Variants in SLAIN2 observed in about 807,000 individuals in gnomAD.
SLAIN2 encodes the protein SLAIN motif-containing protein 2.
In SLAIN2, 31 loss-of-function variants were observed where a neutral mutation model predicts 56.6. The observed-to-expected ratio is 0.55, with a 90% CI of 0.41 to 0.74. The LOEUF (loss-of-function observed/expected upper bound fraction) is 0.74. SLAIN2 is among the 30% of genes least tolerant of loss of function. SLAIN2 has a pLI of 0.00. For synonymous variants in SLAIN2, 317 were observed against 284.9 expected (o/e 1.11, Z -1.13); for missense variants, 777 against 754.2 (o/e 1.03, Z -0.35).
intron 6 of SLAIN2, among the ~76,000 whole-genome samples, chr4:48,402,224 C>T (rs117623815): frequency 0.03 from 4,192 of 141,396 alleles, 67 homozygotes; most frequent in Admixed American, 0.049. Flanking sequence ...TCCTTCATTT[C>T]GACCTTGGAG....
chr4:48,395,297 A>C (rs1233256617), intron 6 of SLAIN2, among the ~76,000 whole-genome samples: 4 of 152,164 alleles, frequency 2.6e-5, no homozygotes, highest in Non-Finnish European at 5.9e-5. Flanking sequence ...CTCAAAGGAA[A>C]TGGTATGAAA....
At chr4:48,386,581 A>G (rs1716106440) in intron 6 of SLAIN2, among the ~76,000 whole-genome samples, 1 of 152,224 alleles carries the variant, frequency 6.6e-6, no homozygotes, top group Non-Finnish European at 1.5e-5. Context: ...TTATTCAGCT[A>G]GATATATGCT....
At chr4:48,368,278 C>CT (rs2109751576) in intron 1 of SLAIN2, among the ~76,000 whole-genome samples, 1 of 152,084 alleles carries the variant, frequency 6.6e-6, no homozygotes, top group African/African-American at 2.4e-5. Context: ...CCAGGCTGGT[C>CT]TTGAACTCCT....
Position 48,422,162 on chromosome 4 carries a change from C to A in SLAIN2, c.*85C>A. On this transcript the variant is annotated 3_prime_UTR_variant, in exon 8 of 8. Transcript: ENST00000264313. Reference sequence around the variant, plus strand: ...AAACAACTTTTATATGCAGACTGTTCAGATAAGACTCTTGGGATTTATAAA... The same window carrying A: ...AAACAACTTTTATATGCAGACTGTTAAGATAAGACTCTTGGGATTTATAAA... 4.1e-6 allele frequency: 4 copies of A among 965,932 alleles called. No individual in the cohort carries two copies. The Admixed American group carries it at 8.6e-5, about 21-fold the overall frequency. The allele number at this position is 965,932 out of a possible 1,614,324, so 59.8% of individuals were successfully genotyped here. A position where few individuals can be genotyped will look rare whatever the true frequency, so the allele number is the denominator to read the frequency against.
In SLAIN2 at chr4:48,396,842, G is replaced by T. The variant is rs560698246; in HGVS notation, c.1360+13058G>T. Among the ~76,000 whole-genome samples the T allele has an allele frequency of 1.1e-3, 160 of 152,294 alleles. No homozygotes were observed. In the Middle Eastern group the frequency reaches 0.014, roughly 13 times the overall value. On this transcript the variant is annotated intron_variant, in intron 6 of 7. Transcript: ENST00000264313. Reference sequence around the variant, plus strand: ...GTCACTTTGATTTTAATTGCATTTAGTAGTAGCAGGTGTTTGAAAATGGAA... The same window carrying T: ...GTCACTTTGATTTTAATTGCATTTATTAGTAGCAGGTGTTTGAAAATGGAA...
rs1406865259 is a variant in SLAIN2 at position 48,364,867 on chromosome 4, CGGGAGA to C, written c.390-4976_390-4971del. Among the ~76,000 whole-genome samples, 56 of 56,916 alleles carry C rather than the reference CGGGAGA, an allele frequency of 9.8e-4. No individual in the cohort carries two copies. In the Middle Eastern group the frequency reaches 0.029, roughly 30 times the overall value. 37.3% of individuals were successfully genotyped at this position (56,916 alleles called of 152,430 possible). A position where few individuals can be genotyped will look rare whatever the true frequency, so the allele number is the denominator to read the frequency against. ...GAGGGAGACCGTGGGGAGACGGAGA[CGGGAGA>C]GGGAGGGGGAGGGGGAGGGGGAGGG... On this transcript the variant is annotated intron_variant, in intron 1 of 7. Transcript: ENST00000264313.
intron 2 of SLAIN2, among the ~76,000 whole-genome samples, chr4:48,370,904 A>G (rs1466573839): frequency 3.3e-5 from 5 of 152,146 alleles, no homozygotes; most frequent in Admixed American, 1.3e-4. Flanking sequence ...TAAGCTGAAA[A>G]TGGTCACAGG....
At chr4:48,353,811 A>T (rs1290446749) in intron 1 of SLAIN2, among the ~76,000 whole-genome samples, 1 of 152,230 alleles carries the variant, frequency 6.6e-6, no homozygotes, top group Non-Finnish European at 1.5e-5. Flanking sequence ...TTATTGTAAC[A>T]GTCCGTACTT....
chr4:48,411,281 C>A (rs6841390), intron 6 of SLAIN2, among the ~76,000 whole-genome samples: 1 of 151,870 alleles, frequency 6.6e-6, no homozygotes, highest in Non-Finnish European at 1.5e-5. Flanking sequence ...CTAGGTCTTT[C>A]CAGGGCAGCA....
At chr4:48,407,483 C>T (rs1233835159) in intron 6 of SLAIN2, among the ~76,000 whole-genome samples, 1 of 152,022 alleles carries the variant, frequency 6.6e-6, no homozygotes, top group Non-Finnish European at 1.5e-5. Context: ...AGAAGAGTTA[C>T]TCTACTCCTT....
At chr4:48,417,800 AC>A (rs1208603114) in intron 6 of SLAIN2, among the ~76,000 whole-genome samples, 8 of 151,028 alleles carry the variant, frequency 5.3e-5, no homozygotes, top group East Asian at 2.0e-4. Flanking sequence ...AAATTCAACA[AC>A]CCTTCATGCT....
chr4:48,410,468 T>C (rs915928292), intron 6 of SLAIN2, among the ~76,000 whole-genome samples: 2 of 152,182 alleles, frequency 1.3e-5, no homozygotes, highest in Non-Finnish European at 2.9e-5. Context: ...TTTGATCTTA[T>C]GGGTCATGCT....
chr4:48,380,919 C>G (rs1335152972), intron 4 of SLAIN2, among the ~76,000 whole-genome samples: 2 of 152,168 alleles, frequency 1.3e-5, no homozygotes, highest in Non-Finnish European at 2.9e-5. Flanking sequence ...TCTGCTGATT[C>G]ACTTCCCATT....
rs557110173 is a variant in SLAIN2 at position 48,341,772 on chromosome 4, C to T, written c.33C>T (p.Asp11=). The T allele has an allele frequency of 5.9e-6, 9 of 1,530,356 alleles. 1 individual carries two copies. In the South Asian group the frequency reaches 7.3e-5, roughly 12 times the overall value. 94.8% of individuals were successfully genotyped at this position (1,530,356 alleles called of 1,614,324 possible). The change falls in exon 1 of 8, where the codon GAC becomes GAT. Residue 11 remains aspartate (D), a synonymous_variant. Transcript: ENST00000264313. ...ACGTTAACTCCAACGTGAACGCGGA[C>T]CAGGAGGTGCGGAAGCTGCAGGAGC... MEDVNSNVNA[D]QEVRKLQELV...
chr4:48,386,515 A>T (rs1025294166), intron 6 of SLAIN2, among the ~76,000 whole-genome samples: 5 of 152,246 alleles, frequency 3.3e-5, no homozygotes, highest in Admixed American at 1.3e-4. Flanking sequence ...AAGATTTAAA[A>T]TTCTAACGTT....
chr4:48,378,998 A>C (rs1407256233), intron 3 of SLAIN2, among the ~76,000 whole-genome samples: 1 of 152,206 alleles, frequency 6.6e-6, no homozygotes, highest in African/African-American at 2.4e-5. Context: ...TAAATCTGTA[A>C]TAGAAATATT....
chr4:48,354,316 G>A (rs429969), intron 1 of SLAIN2, among the ~76,000 whole-genome samples: 83,280 of 151,910 alleles, frequency 0.55, 23,374 homozygotes, highest in South Asian at 0.69. Flanking sequence ...TAGCTTGGGT[G>A]ATTAAACTGT....
chr4:48,399,940 TC>T lies in SLAIN2; in HGVS notation c.1360+16157del, dbSNP rs1175080428. 1.3e-5 allele frequency among the ~76,000 whole-genome samples: 2 copies of T among 152,344 alleles called. 1 individual carries two copies. Among genetic ancestry groups the T allele is most frequent in the African/African-American group, 4.8e-5 (2 of 41,584 alleles). ...TTGAGGATTTTTGCATCAACATTCA[TC>T]AGGGATATTGGCCTGATGTTTTCTT... On this transcript the variant is annotated intron_variant, in intron 6 of 7. Coordinates refer to ENST00000264313, the MANE Select transcript of SLAIN2 (RefSeq NM_020846.2).
intron 6 of SLAIN2, among the ~76,000 whole-genome samples, chr4:48,400,358 A>G (rs1716514602): frequency 7.5e-6 from 1 of 133,230 alleles, no homozygotes; most frequent in African/African-American, 2.9e-5. Context: ...TATTCTCCTT[A>G]TAATTTCTGA....
Sources: allele counts gnomAD v4.1 joint callset (sites outside exome capture counted in the v4.1 genomes callset), GRCh38; gene constraint gnomAD v4.1.1; transcripts MANE v1.5; gene names NCBI Gene and HGNC (gene_info 2026-07-23, HGNC 2026-07-21).